The following ITGAX variants were observed in gnomAD, a reference collection of about 807,000 sequenced individuals.
ITGAX encodes the protein integrin subunit alpha X.
In ITGAX, 99 loss-of-function variants were observed where a neutral mutation model predicts 140.2. The ratio of observed to expected loss-of-function variants is 0.71; its 90% CI spans 0.60 to 0.83. The LOEUF (loss-of-function observed/expected upper bound fraction) is 0.83. Ranked by LOEUF, ITGAX falls within the 40% of genes least tolerant of loss-of-function variation. ITGAX has a pLI of 0.00. For missense variants in ITGAX, 1,444 were observed against 1,482.0 expected, an observed-to-expected ratio of 0.97 and a Z score of 0.42; for synonymous variants, 631 against 600.4, an observed-to-expected ratio of 1.05 and a Z score of -0.75.
At chr16:31,373,967 G>A (rs2080996555) in intron 20 of ITGAX, among the ~76,000 whole-genome samples, 1 of 152,206 alleles carries the variant, frequency 6.6e-6, no homozygotes, top group Non-Finnish European at 1.5e-5. Flanking sequence ...ACCACGGGGA[G>A]TCAAAGAGAA....
At chr16:31,375,149 G>A (rs1251397104) in intron 20 of ITGAX, among the ~76,000 whole-genome samples, 1 of 152,214 alleles carries the variant, frequency 6.6e-6, no homozygotes, top group Non-Finnish European at 1.5e-5. Context: ...CTGAGTAGCT[G>A]GGATTACAGG....
Position 31,362,174 on chromosome 16 carries a change from G to A in ITGAX, c.1186G>A (p.Glu396Lys). Residue 396 changes from glutamate to lysine, a missense_variant, in exon 11 of 30, where the codon GAG becomes AAG. Transcript: ENST00000268296. Reference protein sequence around the residue: ...MSPTFINMSQENVDMRDSYLG... With the variant: ...MSPTFINMSQKNVDMRDSYLG... ...CCCTACCTTCATCAACATGTCTCAGGAGAATGTGGACATGAGGGACTCTTA... is the reference window on the plus strand; with the variant it reads ...CCCTACCTTCATCAACATGTCTCAGAAGAATGTGGACATGAGGGACTCTTA... The A allele has an allele frequency of 6.2e-7, 1 of 1,614,062 alleles. No homozygotes were observed. Among genetic ancestry groups the A allele is most frequent in the East Asian group, 2.2e-5 (1 of 44,864 alleles).
rs765986769 is a variant in ITGAX, at chr16:31,372,368, CG to C, written c.2161-9del. The C allele has an allele frequency of 1.3e-6, 2 of 1,592,142 alleles. No homozygotes were observed. The highest frequency in any genetic ancestry group is 8.5e-7 in the Non-Finnish European group (1 of 1,174,602). ...CTTACCCTCCGCTCCCCGCGACGCCCGTCCCCCAGAGCTGCGTGGAGGACTC... is the reference window on the plus strand; with the variant it reads ...CTTACCCTCCGCTCCCCGCGACGCCCTCCCCCAGAGCTGCGTGGAGGACTC... On this transcript the variant is annotated splice_polypyrimidine_tract_variant and intron_variant, in intron 17 of 29. Transcript: ENST00000268296.
At chr16:31,380,799 TG>T (rs2081062312) in intron 28 of ITGAX, 97 bp from the exon 29 acceptor site, 2 of 1,292,110 alleles carry the variant, frequency 1.5e-6, no homozygotes, top group Non-Finnish European at 2.2e-6. Flanking sequence ...GAGCAGGGCC[TG>T]GGGAAGGAGG....
chr16:31,357,831 G>A (rs1597061515), intron 5 of ITGAX: 2 of 375,280 alleles, frequency 5.3e-6, no homozygotes, highest in East Asian at 7.8e-5. Context: ...GTGTGTACAT[G>A]TGTGTATATG....
In ITGAX at chr16:31,356,628, G is replaced by A; in HGVS notation, c.147G>A (p.Val49=). The change falls in exon 3 of 30, where the codon GTG becomes GTA. Residue 49 remains valine (V), a synonymous_variant. Transcript: ENST00000268296. ...DSVVQYANSW[V]VVGAPQKITA... is the part of the protein sequence containing the mutation. The stretch of plus-strand genomic sequence containing the variant: ...AGTGTTCTTTGTCTCCTCGCAGGGT[G>A]GTGGTTGGAGCCCCCCAAAAGATAA... The A allele has an allele frequency of 6.3e-7, 1 of 1,594,114 alleles. No individual in the cohort carries two copies. The highest frequency in any genetic ancestry group is 8.5e-7 in the Non-Finnish European group (1 of 1,171,214).
chr16:31,361,076 T>A lies in ITGAX; in HGVS notation c.875T>A (p.Phe292Tyr). The part of the protein sequence containing the change: ...IRYAIGVGLA[F>Y]QNRNSWKELN... ...TTCTGGGGACAGGTTGGATTAGCTT[T>A]TCAAAACAGAAATTCTTGGAAAGAA... The change falls in exon 9 of 30, where the codon TTT (phenylalanine) becomes TAT (tyrosine). Residue 292 changes from phenylalanine to tyrosine, a missense_variant. Phe to Tyr is a conservative substitution (Grantham distance 22, BLOSUM62 3). Coordinates refer to ENST00000268296, the MANE Select transcript of ITGAX (RefSeq NM_000887.5). The A allele has an allele frequency of 6.2e-7, 1 of 1,612,622 alleles. No individual in the cohort carries two copies. Among genetic ancestry groups the A allele is most frequent in the Non-Finnish European group, 8.5e-7 (1 of 1,179,720 alleles).
Position 31,381,941 on chromosome 16 carries a change from G to T in ITGAX, c.*34G>T. ...TTGCCTTGGACTTCTTCTCCCCCGC[G>T]AGTTTTCCCCACTTACTTACCCTCA... On this transcript the variant is annotated 3_prime_UTR_variant, in exon 30 of 30. Coordinates refer to ENST00000268296, the MANE Select transcript of ITGAX (RefSeq NM_000887.5). The T allele has an allele frequency of 8.7e-7, 1 of 1,146,256 alleles. No homozygotes were observed. The allele number at this position is 1,146,256 out of a possible 1,614,324, so 71.0% of individuals were successfully genotyped here.
Position 31,376,330 on chromosome 16 carries a change from C to T in ITGAX, c.2509-469C>T, listed in dbSNP as rs9927845. Among the ~76,000 whole-genome samples, 566 of 152,250 alleles carry T rather than the reference C, an allele frequency of 3.7e-3. 1 individual carries two copies. Among genetic ancestry groups the T allele is most frequent in the African/African-American group, 0.013 (520 of 41,540 alleles). ...ATAGCTATGGGGGAGCTTTTAAAAACGTAACCTTGGCTGGACATGGTGGCT... is the reference window on the plus strand; with the variant it reads ...ATAGCTATGGGGGAGCTTTTAAAAATGTAACCTTGGCTGGACATGGTGGCT... On this transcript the variant is annotated intron_variant, in intron 20 of 29. Transcript: ENST00000268296.
chr16:31,361,282 G>A (rs2080822127), intron 9 of ITGAX, 69 bp downstream of exon 9: 2 of 1,514,436 alleles, frequency 1.3e-6, no homozygotes, highest in East Asian at 2.3e-5. Flanking sequence ...TAGAACCCGA[G>A]GCTCCGTGAA....
chr16:31,356,911 C>A, intron 3 of ITGAX, 120 bp from the exon 4 acceptor site: 1 of 956,588 alleles, frequency 1.0e-6, no homozygotes, highest in Non-Finnish European at 1.6e-6. Flanking sequence ...CTGTCAAGAC[C>A]CGACAGCTTC....
intron 17 of ITGAX, 61 bp downstream of exon 17, chr16:31,371,845 G>T: frequency 6.3e-7 from 1 of 1,580,190 alleles, no homozygotes; most frequent in South Asian, 1.2e-5. Context: ...GCAGGGCAGG[G>T]AGAGAACAGG....
chr16:31,380,517 T>C lies in ITGAX; in HGVS notation c.3175-6T>C, dbSNP rs550707449. Reference sequence around the variant, plus strand: ...GTTCAACAGGTTTCCCCCAACCCCTTTGCAGATATTGCAGAAGAAGGTGTC... The same window carrying C: ...GTTCAACAGGTTTCCCCCAACCCCTCTGCAGATATTGCAGAAGAAGGTGTC... On this transcript the variant is annotated splice_polypyrimidine_tract_variant and splice_region_variant and intron_variant, in intron 27 of 29. Coordinates refer to ENST00000268296, the MANE Select transcript of ITGAX (RefSeq NM_000887.5). The C allele has an allele frequency of 7.4e-6, 12 of 1,614,234 alleles. No individual in the cohort carries two copies. Among genetic ancestry groups the C allele is most frequent in the South Asian group, 4.4e-5 (4 of 91,086 alleles).
At chr16:31,362,230 C>T (rs745537840) in intron 11 of ITGAX, 26 bp downstream of exon 11, 23 of 1,611,388 alleles carry the variant, frequency 1.4e-5, no homozygotes, top group Admixed American at 3.3e-5. Context: ...GGGTTGGGGA[C>T]AGGTGGGAGA....
At chr16:31,372,732 C>G in intron 19 of ITGAX, 62 bp downstream of exon 19, 1 of 1,471,428 alleles carries the variant, frequency 6.8e-7, no homozygotes, top group Non-Finnish European at 9.4e-7. Flanking sequence ...ATCTGGGACT[C>G]CTGCCTCTGG....
At chr16:31,372,260 TG>T in intron 17 of ITGAX, 117 bp from the exon 18 acceptor site, 1 of 1,191,514 alleles carries the variant, frequency 8.4e-7, no homozygotes, top group Non-Finnish European at 1.2e-6. Context: ...GAGCAGGCTC[TG>T]GAGGAAGCTG....
chr16:31,377,681 A>C (rs2081033115), intron 23 of ITGAX, among the ~76,000 whole-genome samples: 1 of 151,782 alleles, frequency 6.6e-6, no homozygotes, highest in African/African-American at 2.4e-5. Flanking sequence ...AGGCTCTCAT[A>C]CCCCTTGGCA....
At chr16:31,357,707 G>A (rs1231785438) in intron 5 of ITGAX, 1 of 437,910 alleles carries the variant, frequency 2.3e-6, no homozygotes, top group Non-Finnish European at 4.0e-6. Flanking sequence ...GCCAGCTGTT[G>A]TTATTTTTAG....
At chr16:31,360,126 T>A in intron 7 of ITGAX, 61 bp downstream of exon 7, 1 of 1,594,016 alleles carries the variant, frequency 6.3e-7, no homozygotes, top group African/African-American at 1.3e-5. Context: ...TTGGGCCTCA[T>A]CTGTCTCCAC....
Sources: gnomAD v4.1 joint callset for allele counts (sites outside exome capture counted in the v4.1 genomes callset) on GRCh38, gnomAD v4.1.1 for gene constraint, MANE v1.5 for transcripts, NCBI Gene and HGNC (gene_info 2026-07-23, HGNC 2026-07-21) for gene names.